ARVCF: variants seen among roughly 807,000 people sequenced by gnomAD.
ARVCF encodes ARVCF delta catenin family member, also known as splicing regulator ARVCF.
ARVCF carries 66 observed loss-of-function variants against 90.9 expected under a neutral mutation model. That is an observed-to-expected ratio of 0.73 (90% CI 0.60 to 0.89). ARVCF has a LOEUF of 0.89. ARVCF is among the 40% of genes least tolerant of loss of function. ARVCF has a pLI of 0.00. For synonymous variants in ARVCF, 653 were observed against 603.4 expected (o/e 1.08, Z -1.21); for missense variants, 1,469 against 1,382.3 (o/e 1.06, Z -1.00).
chr22:19,972,008 T>G (rs1054631432), intron 17 of ARVCF, 37 bp from the exon 18 acceptor site: 1 of 1,550,042 alleles, frequency 6.5e-7, no homozygotes, highest in Non-Finnish European at 8.8e-7. Flanking sequence ...AGGGGCGCTC[T>G]GAGGGAGGCC....
rs1942862328 is a variant in ARVCF at position 19,972,379 on chromosome 22, G to A, written c.2674C>T (p.Pro892Ser). The part of the protein sequence containing the change: ...GEKTGSRDVI[P>S]MDALGPDGYS... ...TCACCTGGGCCCAGCGCATCCATGGGGATCACATCCCGGCTGCCAGTTTTC... is the reference window on the plus strand; with the variant it reads ...TCACCTGGGCCCAGCGCATCCATGGAGATCACATCCCGGCTGCCAGTTTTC... Residue 892 changes from proline to serine, a missense_variant, in exon 17 of 20, where the codon CCC becomes TCC. Transcript: ENST00000263207. 1.5e-5 allele frequency: 24 copies of A among 1,613,586 alleles called. No individual in the cohort carries two copies. The highest frequency in any genetic ancestry group is 1.9e-5 in the Non-Finnish European group (23 of 1,180,010).
chr22:20,005,520 T>C (rs1944589195), intron 2 of ARVCF, among the ~76,000 whole-genome samples: 1 of 152,150 alleles, frequency 6.6e-6, no homozygotes, highest in Admixed American at 6.5e-5. Flanking sequence ...TTCTGCATTA[T>C]GTATCTAAAA....
chr22:19,973,150 C>G lies in ARVCF; in HGVS notation c.2407G>C (p.Val803Leu). The G allele has an allele frequency of 6.2e-7, 1 of 1,609,620 alleles. No homozygotes were observed. Among genetic ancestry groups the G allele is most frequent in the Non-Finnish European group, 8.5e-7 (1 of 1,178,678 alleles). ...NARSLLQARG[V>L]PALVALVASS... ...GCCACGAGAGCCACCAACGCTGGCACCCCGCGTGCCTGCAGGAGCGAGCGC... is the reference window on the plus strand; with the variant it reads ...GCCACGAGAGCCACCAACGCTGGCAGCCCGCGTGCCTGCAGGAGCGAGCGC... Residue 803 changes from valine (V) to leucine (L), a missense_variant, in exon 14 of 20, where the codon GTG (valine) becomes CTG (leucine). Coordinates refer to ENST00000263207, the MANE Select transcript of ARVCF (RefSeq NM_001670.3).
rs1014683833 is a variant in ARVCF, at chr22:19,979,847, C to T, written c.1292G>A (p.Arg431His). The T allele has an allele frequency of 1.2e-5, 20 of 1,609,124 alleles. No homozygotes were observed. The highest frequency in any genetic ancestry group is 3.3e-4 in the Middle Eastern group (2 of 6,052). ...GATGGCGGCCTTGTTGTCAGTGTCG[C>T]GGCCATAGGAGAGGTTGCGCAGTGC... ...CGALRNLSYG[R>H]DTDNKAAIRD... The change falls in exon 6 of 20, where the codon CGC (arginine) becomes CAC (histidine). Residue 431 changes from arginine (R) to histidine (H), a missense_variant. Transcript: ENST00000263207.
intron 13 of ARVCF, 71 bp from the exon 14 acceptor site, chr22:19,973,388 A>G: frequency 6.7e-7 from 1 of 1,496,104 alleles, no homozygotes; most frequent in East Asian, 2.5e-5. Flanking sequence ...GGATCCCGCG[A>G]GGGCGAGGGG....
chr22:19,977,638 C>T, intron 8 of ARVCF, 52 bp from the exon 9 acceptor site: 1 of 1,481,174 alleles, frequency 6.8e-7, no homozygotes, highest in African/African-American at 1.4e-5. Flanking sequence ...ACAGGGCTGG[C>T]CCTCAGGAAA....
chr22:20,013,495 G>A (rs532810059), intron 1 of ARVCF, among the ~76,000 whole-genome samples: 2 of 152,234 alleles, frequency 1.3e-5, no homozygotes. Flanking sequence ...CTTGGAGGCC[G>A]AGCTCCGGTC....
At chr22:19,967,156 T>G, downstream of ARVCF, 1 of 1,302,074 alleles carries the variant, frequency 7.7e-7, no homozygotes, top group Non-Finnish European at 1.0e-6. Context: ...CCTGTTTAAC[T>G]CGTGCAGGTG....
In ARVCF at chr22:19,995,261, G is replaced by A. The variant is rs547132816; in HGVS notation, c.-18-4449C>T. The stretch of plus-strand genomic sequence containing the variant: ...ATGGGAAGGTGGCTGGATGGATACG[G>A]GTGGTGGTAGAGGGATAAAATGATG... On this transcript the variant is annotated intron_variant, in intron 2 of 19. Coordinates refer to ENST00000263207, the MANE Select transcript of ARVCF (RefSeq NM_001670.3). 2.0e-5 allele frequency among the ~76,000 whole-genome samples: 3 copies of A among 152,174 alleles called. No individual in the cohort carries two copies. The East Asian group carries it at 5.8e-4, about 29-fold the overall frequency.
At chr22:19,979,608 G>C in intron 6 of ARVCF, 135 bp downstream of exon 6, 1 of 1,325,220 alleles carries the variant, frequency 7.5e-7, no homozygotes, top group Non-Finnish European at 1.0e-6. Flanking sequence ...CCTGGGGCAA[G>C]CGTCTCAGCA....
intron 16 of ARVCF, 95 bp downstream of exon 16, chr22:19,972,642 G>A (rs1942882459): frequency 5.1e-6 from 7 of 1,362,206 alleles, no homozygotes; most frequent in Non-Finnish European, 5.9e-6. Context: ...CGTCTCAGTG[G>A]GAGGCCTGAC....
At chr22:19,987,282 G>A in intron 3 of ARVCF, 1 of 286,850 alleles carries the variant, frequency 3.5e-6, no homozygotes, top group Non-Finnish European at 6.4e-6. Flanking sequence ...GGCGGGGGCC[G>A]GGGTGGGCGT....
At chr22:19,995,694 G>A (rs2146410925) in intron 2 of ARVCF, among the ~76,000 whole-genome samples, 1 of 152,292 alleles carries the variant, frequency 6.6e-6, no homozygotes, top group East Asian at 1.9e-4. Flanking sequence ...AATTTCCGAA[G>A]GGTCAGGCCA....
chr22:19,965,814 G>A (rs1280573286), downstream of ARVCF, among the ~76,000 whole-genome samples: 3 of 150,704 alleles, frequency 2.0e-5, no homozygotes, highest in African/African-American at 7.3e-5. Context: ...CAAGGGGGTG[G>A]GCATTGGGAG....
chr22:20,006,209 T>C (rs768787183), intron 2 of ARVCF, among the ~76,000 whole-genome samples: 1 of 152,192 alleles, frequency 6.6e-6, no homozygotes, highest in Non-Finnish European at 1.5e-5. Context: ...CACTACTGAA[T>C]TGTACACTTG....
chr22:19,987,493 C>T, intron 3 of ARVCF, among the ~76,000 whole-genome samples: 1 of 151,914 alleles, frequency 6.6e-6, no homozygotes, highest in Non-Finnish European at 1.5e-5. Context: ...CCTTCCCAGG[C>T]CTCGGTTTGG....
chr22:20,004,917 G>A (rs1447199339), intron 2 of ARVCF, among the ~76,000 whole-genome samples: 1 of 152,042 alleles, frequency 6.6e-6, no homozygotes, highest in Non-Finnish European at 1.5e-5. Context: ...CTAAACATAA[G>A]ACCTCAAACT....
chr22:20,012,079 T>TG (rs748580387), intron 1 of ARVCF, among the ~76,000 whole-genome samples: 1 of 117,146 alleles, frequency 8.5e-6, no homozygotes, highest in Non-Finnish European at 1.7e-5. Context: ...CCTCCCAAAG[T>TG]CCCCCCCCCC....
intron 2 of ARVCF, among the ~76,000 whole-genome samples, chr22:20,001,298 G>A (rs1188516472): frequency 2.0e-5 from 3 of 152,150 alleles, no homozygotes; most frequent in African/African-American, 7.2e-5. Flanking sequence ...GGAGTGGCTG[G>A]GCCTGCAGAC....
Sources: allele counts gnomAD v4.1 joint callset (sites outside exome capture counted in the v4.1 genomes callset), GRCh38; gene constraint gnomAD v4.1.1; transcripts MANE v1.5; gene names NCBI Gene and HGNC (gene_info 2026-07-23, HGNC 2026-07-21).